The following SLC15A2 variants were observed in gnomAD, a reference collection of about 807,000 sequenced individuals.
SLC15A2 encodes kidney H(+)/peptide cotransporter.
A neutral mutation model predicts 95.5 loss-of-function variants in SLC15A2; 77 were observed. That is an observed-to-expected ratio of 0.81 (90% CI 0.67 to 0.97). The LOEUF (loss-of-function observed/expected upper bound fraction) is 0.97, where lower values mean the gene tolerates loss of function less well. Ranked by LOEUF, SLC15A2 falls within the 50% of genes least tolerant of loss-of-function variation. SLC15A2 has a pLI of 0.00. For synonymous variants in SLC15A2, 306 were observed against 306.9 expected, an observed-to-expected ratio of 1.00 and a Z score of 0.03; for missense variants, 893 against 874.4, an observed-to-expected ratio of 1.02 and a Z score of -0.27.
Position 121,940,371 on chromosome 3 carries a change from G to C in SLC15A2, c.1909-13G>C. The C allele has an allele frequency of 3.1e-6, 5 of 1,609,836 alleles. No individual in the cohort carries two copies. The highest frequency in any genetic ancestry group is 4.3e-6 in the Non-Finnish European group (5 of 1,176,364). ...AGGGGGTTTGTTTACTTTCAAACTT[G>C]TGTCATCCCCAGGCTCCCTCTAGCA... On this transcript the variant is annotated splice_polypyrimidine_tract_variant and intron_variant, in intron 20 of 21. Transcript: ENST00000489711.
chr3:121,927,985 TA>T, intron 14 of SLC15A2, 146 bp downstream of exon 14: 1 of 648,182 alleles, frequency 1.5e-6, no homozygotes, highest in Non-Finnish European at 2.7e-6. Flanking sequence ...GATAAATAAG[TA>T]GATACAGGGG....
intron 17 of SLC15A2, among the ~76,000 whole-genome samples, chr3:121,930,245 C>A (rs1192628808): frequency 1.3e-5 from 2 of 152,070 alleles, no homozygotes; most frequent in Non-Finnish European, 2.9e-5. Context: ...AAAACCCATC[C>A]TGAGAGGACA....
chr3:121,919,802 T>C (rs967446189), intron 7 of SLC15A2, among the ~76,000 whole-genome samples: 4 of 152,184 alleles, frequency 2.6e-5, no homozygotes, highest in African/African-American at 4.8e-5. Flanking sequence ...ATATTGAGCA[T>C]GTGTGAATAT....
chr3:121,929,341 A>G lies in SLC15A2; in HGVS notation c.1546A>G (p.Thr516Ala). The part of the protein sequence containing the change: ...TESRTTNGMT[T>A]VRFVNTLHKD... ...AAGCAGAACAACCAATGGGATGACA[A>G]CCGTGAGGTTTGAATGTCAATGAGA... Residue 516 changes from threonine to alanine, a missense_variant, in exon 17 of 22, where the codon ACC becomes GCC. Thr to Ala is a moderately conservative substitution (Grantham distance 58). Transcript: ENST00000489711. 1.9e-6 allele frequency: 3 copies of G among 1,613,878 alleles called. No individual in the cohort carries two copies. The highest frequency in any genetic ancestry group is 2.5e-6 in the Non-Finnish European group (3 of 1,179,854).
chr3:121,910,192 CTTTT>C (rs35492489), intron 3 of SLC15A2, among the ~76,000 whole-genome samples: 1 of 126,986 alleles, frequency 7.9e-6, no homozygotes, highest in Non-Finnish European at 1.6e-5. Context: ...AGTCACCTAA[CTTTT>C]TTTTTTTTTT....
At chr3:121,926,601 G>A (rs1710126521) in intron 13 of SLC15A2, among the ~76,000 whole-genome samples, 1 of 152,250 alleles carries the variant, frequency 6.6e-6, no homozygotes, top group Admixed American at 6.5e-5. Flanking sequence ...GGCTGCAGGG[G>A]TGGAGCCCCC....
At chr3:121,915,892 G>T (rs1202916625) in intron 7 of SLC15A2, among the ~76,000 whole-genome samples, 199 bp downstream of exon 7, 3 of 152,124 alleles carry the variant, frequency 2.0e-5, no homozygotes, top group Admixed American at 6.6e-5. Flanking sequence ...AGTGCCTAAG[G>T]TTGCATAACC....
Position 121,930,885 on chromosome 3 carries a change from A to T in SLC15A2, c.1599A>T (p.Thr533=). ...LHKDVNISLS[T]DTSLNVGEDY... is the part of the protein sequence containing the mutation. ...AAGATGTCAACATCTCCCTGAGTACAGATACCTCTCTCAATGTTGGTGAAG... is the reference window on the plus strand; with the variant it reads ...AAGATGTCAACATCTCCCTGAGTACTGATACCTCTCTCAATGTTGGTGAAG... Residue 533 remains threonine, a synonymous_variant, in exon 18 of 22, where the codon ACA becomes ACT. Coordinates refer to ENST00000489711, the MANE Select transcript of SLC15A2 (RefSeq NM_021082.4). 2 of 1,613,774 alleles carry T rather than the reference A, an allele frequency of 1.2e-6. No homozygotes were observed. The highest frequency in any genetic ancestry group is 2.2e-5 in the South Asian group (2 of 91,068).
intron 3 of SLC15A2, among the ~76,000 whole-genome samples, chr3:121,898,747 C>T (rs920126053): frequency 2.6e-5 from 4 of 152,118 alleles, no homozygotes; most frequent in Non-Finnish European, 4.4e-5. Context: ...GTAGTGTTTC[C>T]CAAACCAGTT....
chr3:121,913,600 G>T (rs1486231410), intron 5 of SLC15A2, among the ~76,000 whole-genome samples: 1 of 152,208 alleles, frequency 6.6e-6, no homozygotes, highest in African/African-American at 2.4e-5. Flanking sequence ...GTATAGAGAT[G>T]ATTTTAGCAT....
Position 121,941,112 on chromosome 3 carries a change from TCTC to T in SLC15A2, c.*110_*112del. ...AGAGATAGCAGCATATCAGAGCTGA[TCTC>T]CTCCACCTTTCTCCAATGACAGAAG... is the stretch of plus-strand genomic sequence containing the variant. On this transcript the variant is annotated 3_prime_UTR_variant, in exon 22 of 22. Transcript: ENST00000489711. The T allele has an allele frequency of 2.0e-6, 2 of 1,011,464 alleles. No homozygotes were observed. The highest frequency in any genetic ancestry group is 2.9e-6 in the Non-Finnish European group (2 of 700,232). 62.7% of individuals were successfully genotyped at this position (1,011,464 alleles called of 1,614,324 possible).
intron 4 of SLC15A2, among the ~76,000 whole-genome samples, chr3:121,912,603 A>T (rs1709791858): frequency 6.6e-6 from 1 of 152,154 alleles, no homozygotes; most frequent in Non-Finnish European, 1.5e-5. Flanking sequence ...GCTATTAATT[A>T]TGATGAATTT....
intron 3 of SLC15A2, among the ~76,000 whole-genome samples, chr3:121,901,344 G>A (rs918981571): frequency 6.6e-6 from 1 of 152,144 alleles, no homozygotes; most frequent in Non-Finnish European, 1.5e-5. Context: ...CCAAGAGCAC[G>A]TAGAATAGTG....
At chr3:121,939,254 A>G in intron 19 of SLC15A2, 95 bp from the exon 20 acceptor site, 1 of 1,048,162 alleles carries the variant, frequency 9.5e-7, no homozygotes, top group Non-Finnish European at 1.3e-6. Flanking sequence ...GAATGAAAAT[A>G]CAAAAAGGAT....
chr3:121,929,152 T>G lies in SLC15A2; in HGVS notation c.1506+6T>G, dbSNP rs1396306528. The G allele has an allele frequency of 6.2e-7, 1 of 1,609,538 alleles. No homozygotes were observed. The highest frequency in any genetic ancestry group is 1.7e-5 in the Admixed American group (1 of 59,668). ...ACAGTATCTCCAGCATGATGGTAAT[T>G]TGAGGAATTGCCTGTGTTTTCAGTT... On this transcript the variant is annotated splice_donor_region_variant and intron_variant, in intron 16 of 21. Transcript: ENST00000489711.
At chr3:121,906,215 A>C (rs1177550684) in intron 3 of SLC15A2, among the ~76,000 whole-genome samples, 3 of 151,892 alleles carry the variant, frequency 2.0e-5, no homozygotes, top group Non-Finnish European at 2.9e-5. Flanking sequence ...GCTTTGGTAG[A>C]TCTTCCTCTA....
In SLC15A2 at chr3:121,941,524, C is replaced by A. The variant is rs1710463713; in HGVS notation, c.*517C>A. 1 of 152,140 alleles carries A rather than the reference C, an allele frequency of 6.6e-6. No homozygotes were observed. The highest frequency in any genetic ancestry group is 6.5e-5 in the Admixed American group (1 of 15,268). The allele number at this position is 152,140 out of a possible 1,614,324, so 9.4% of individuals were successfully genotyped here. ...GTCCAGCCAGGGCCTGGCTTGTCAG[C>A]TCTCTAGGTTTGATATGACTTTAGT... is the stretch of plus-strand genomic sequence containing the variant. On this transcript the variant is annotated 3_prime_UTR_variant, in exon 22 of 22. Transcript: ENST00000489711.
intron 19 of SLC15A2, among the ~76,000 whole-genome samples, chr3:121,935,634 G>A (rs1044063098): frequency 1.8e-4 from 28 of 151,674 alleles, no homozygotes; most frequent in Middle Eastern, 3.4e-3. Flanking sequence ...TTTTTATTGC[G>A]TCTATTTGAT....
At chr3:121,922,381 T>C in intron 8 of SLC15A2, 79 bp downstream of exon 8, 1 of 1,117,226 alleles carries the variant, frequency 9.0e-7, no homozygotes, top group Non-Finnish European at 1.3e-6. Context: ...CCTTCAAACG[T>C]GGGCATACAT....
Sources: allele counts gnomAD v4.1 joint callset (sites outside exome capture counted in the v4.1 genomes callset), GRCh38; gene constraint gnomAD v4.1.1; transcripts MANE v1.5; gene names NCBI Gene and HGNC (gene_info 2026-07-23, HGNC 2026-07-21).